Variants in SYNE4 observed in about 807,000 individuals in gnomAD.
SYNE4 encodes spectrin repeat containing nuclear envelope family member 4.
A neutral mutation model predicts 46.9 loss-of-function variants in SYNE4; 41 were observed. That is an observed-to-expected ratio of 0.87 (90% CI 0.68 to 1.13). The LOEUF is 1.13. SYNE4 is among the 50% of genes most tolerant of loss of function. The pLI is 0.00. For missense variants in SYNE4, 492 were observed against 514.8 expected, an observed-to-expected ratio of 0.96 and a Z score of 0.43; for synonymous variants, 221 against 219.5, an observed-to-expected ratio of 1.01 and a Z score of -0.06.
intron 2 of SYNE4, 94 bp downstream of exon 2, chr19:36,008,123 A>T: frequency 6.9e-7 from 1 of 1,448,746 alleles, no homozygotes; most frequent in South Asian, 1.5e-5. Context: ...ACACCTTTCC[A>T]GAATCATCAC....
At chr19:36,006,365 G>A (rs1354887764) in intron 5 of SYNE4, 58 bp downstream of exon 5, 21 of 1,531,174 alleles carry the variant, frequency 1.4e-5, no homozygotes, top group Admixed American at 4.1e-5. Flanking sequence ...GCTAGAAGGT[G>A]CGCAGAGATG....
intron 5 of SYNE4, 51 bp from the exon 6 acceptor site, chr19:36,005,488 G>A (rs1976818671): frequency 6.4e-7 from 1 of 1,550,418 alleles, no homozygotes. Flanking sequence ...GCCAGGATAG[G>A]GATGTCATAG....
chr19:36,003,549 A>G (rs1283558656), intron 7 of SYNE4, 29 bp from the exon 8 acceptor site: 1 of 1,599,504 alleles, frequency 6.3e-7, no homozygotes, highest in Non-Finnish European at 8.5e-7. Context: ...TGTTAAACAT[A>G]CAGGTGGGCT....
chr19:36,008,571 G>A lies in SYNE4; in HGVS notation c.111C>T (p.Ser37=), dbSNP rs746066870. 3.7e-6 allele frequency: 6 copies of A among 1,613,774 alleles called. No individual in the cohort carries two copies. The highest frequency in any genetic ancestry group is 3.3e-5 in the Admixed American group (2 of 60,002). The part of the protein sequence containing the change: ...DIVGCTVCPA[S]GEESTSPEQA... ...GCCCCCACCTCGTGCTCTCCTCTCC[G>A]GACGCGGGGCAGACGGTGCATCCAA... Residue 37 remains serine, a synonymous_variant, in exon 1 of 8, where the codon TCC becomes TCT. Transcript: ENST00000324444.
Position 36,006,746 on chromosome 19 carries a change from C to G in SYNE4, c.618+4G>C. 6.2e-7 allele frequency: 1 copy of G among 1,606,086 alleles called. No individual in the cohort carries two copies. The highest frequency in any genetic ancestry group is 8.5e-7 in the Non-Finnish European group (1 of 1,175,938). On this transcript the variant is annotated splice_donor_region_variant and intron_variant, in intron 4 of 7. Transcript: ENST00000324444. ...TGGGTGGGGGGTATCAAGATGGGCC[C>G]TACCAGGCTGTAGCTGACCAGCTGG...
chr19:36,008,343 T>C lies in SYNE4; in HGVS notation c.153A>G (p.Gly51=). 2 of 1,563,442 alleles carry C rather than the reference T, an allele frequency of 1.3e-6. No individual in the cohort carries two copies. Among genetic ancestry groups the C allele is most frequent in the Non-Finnish European group, 1.7e-6 (2 of 1,152,340 alleles). ...GCTCAGGAGGGCCCAAGGAGTCCTGTCCCAGGGTCTGGGCCTGCTCTGGGC... is the reference window on the plus strand; with the variant it reads ...GCTCAGGAGGGCCCAAGGAGTCCTGCCCCAGGGTCTGGGCCTGCTCTGGGC... ...STSPEQAQTL[G]QDSLGPPEHF... The change falls in exon 2 of 8, where the codon GGA becomes GGG. Residue 51 remains glycine, a synonymous_variant. Coordinates refer to ENST00000324444, the MANE Select transcript of SYNE4 (RefSeq NM_001039876.3).
At chr19:36,003,775 A>G (rs1485896203) in intron 6 of SYNE4, 104 bp from the exon 7 acceptor site, 2 of 1,502,986 alleles carry the variant, frequency 1.3e-6, no homozygotes, top group East Asian at 4.9e-5. Flanking sequence ...GCTGGACTGC[A>G]ATGGCTCAAT....
intron 5 of SYNE4, 125 bp downstream of exon 5, chr19:36,006,298 G>A: frequency 7.8e-7 from 1 of 1,278,138 alleles, no homozygotes; most frequent in East Asian, 2.5e-5. Context: ...GACACCGAGA[G>A]ACAGAGATAG....
chr19:36,005,792 G>C lies in SYNE4; in HGVS notation c.868-355C>G, dbSNP rs1454503213. 4.2e-5 allele frequency: 8 copies of C among 191,092 alleles called. No homozygotes were observed. The East Asian group carries it at 1.0e-3, about 25-fold the overall frequency. The allele number at this position is 191,092 out of a possible 1,614,324, so 11.8% of individuals were successfully genotyped here. ...CCAGCACTTTGGGAGGCCAAGGCAG[G>C]CGGATCACCTGAGGTCAGGCGTTCG... On this transcript the variant is annotated intron_variant, in intron 5 of 7. Transcript: ENST00000324444.
intron 6 of SYNE4, among the ~76,000 whole-genome samples, chr19:36,004,870 T>C (rs568210744): frequency 3.3e-4 from 39 of 117,896 alleles, no homozygotes; most frequent in Middle Eastern, 7.5e-3. Flanking sequence ...TTCTTTCTTT[T>C]TTTTTTTTTT....
At chr19:36,007,093 C>T (rs1407696774) in intron 3 of SYNE4, 32 bp downstream of exon 3, 1 of 1,585,710 alleles carries the variant, frequency 6.3e-7, no homozygotes, top group Non-Finnish European at 8.6e-7. Context: ...TGGGGCCGTG[C>T]CCACCCCCAC....
chr19:36,007,322 C>T (rs1968393374), intron 2 of SYNE4, 54 bp from the exon 3 acceptor site: 1 of 1,508,628 alleles, frequency 6.6e-7, no homozygotes, highest in East Asian at 2.4e-5. Flanking sequence ...GATATCACCC[C>T]TGCTCCCATC....
intron 6 of SYNE4, 68 bp from the exon 7 acceptor site, chr19:36,003,739 G>C (rs2096181825): frequency 1.3e-5 from 21 of 1,558,658 alleles, no homozygotes; most frequent in Non-Finnish European, 1.7e-5. Flanking sequence ...TTTATTTTGA[G>C]ACGGAGTCTC....
Position 36,003,398 on chromosome 19 carries a change from G to A in SYNE4, c.1154C>T (p.Ala385Val). 6.2e-7 allele frequency: 1 copy of A among 1,614,080 alleles called. No homozygotes were observed. The highest frequency in any genetic ancestry group is 8.5e-7 in the Non-Finnish European group (1 of 1,180,000). ...CAGGTAGGGTGTCCTGGGTATTCGG[G>A]CATGAGAGCAGCAGGGGCCTCCTGA... Reference protein sequence around the residue: ...PASGGPCCSHARIPRTPYLVL... With the variant: ...PASGGPCCSHVRIPRTPYLVL... Residue 385 changes from alanine (A) to valine (V), a missense_variant, in exon 8 of 8, where the codon GCC becomes GTC. By Grantham distance (64) the Ala-to-Val change is moderately conservative (BLOSUM62 0). Transcript: ENST00000324444.
intron 7 of SYNE4, 26 bp from the exon 8 acceptor site, chr19:36,003,546 C>CA: frequency 1.9e-6 from 3 of 1,598,858 alleles, no homozygotes; most frequent in Non-Finnish European, 2.6e-6. Flanking sequence ...CAGTGTTAAA[C>CA]ATACAGGTGG....
At position 36,003,636 on chromosome 19, in the gene SYNE4, A is replaced by G. The variant is rs1255197443; in HGVS notation, c.1008T>C (p.Asp336=). 1 of 1,613,456 alleles carries G rather than the reference A, an allele frequency of 6.2e-7. No homozygotes were observed. Among genetic ancestry groups the G allele is most frequent in the Admixed American group, 1.7e-5 (1 of 59,908 alleles). ...ACCCTGGATTCCCCTCCAGCCTCAC[A>G]TCCTGGAGATGAGGAGATGCTTGCC... is the stretch of plus-strand genomic sequence containing the variant. The part of the protein sequence containing the change: ...KKRQASPHLQ[D]VRLEGNPGAP... Residue 336 remains aspartate (D), a synonymous_variant, in exon 7 of 8, where the codon GAT becomes GAC. Transcript: ENST00000324444.
chr19:36,006,277 A>T, intron 5 of SYNE4, 146 bp downstream of exon 5: 10 of 1,097,068 alleles, frequency 9.1e-6, no homozygotes, highest in Non-Finnish European at 1.3e-5. Flanking sequence ...AGAAACAGTG[A>T]GATAGAAGGA....
Position 36,006,809 on chromosome 19 carries a change from G to T in SYNE4, c.559C>A (p.Arg187=). The change falls in exon 4 of 8, where the codon CGA becomes AGA. Residue 187 remains arginine (R), a synonymous_variant. Transcript: ENST00000324444. The part of the protein sequence containing the change: ...EQILRALGAY[R]DSIFRRLWQL... ...CAGAGCCGCCGGAAGATGGAGTCTC[G>T]GTAAGCTCCCAGGGCCCGCAGGATC... The T allele has an allele frequency of 6.2e-7, 1 of 1,609,582 alleles. No individual in the cohort carries two copies. The highest frequency in any genetic ancestry group is 1.1e-5 in the South Asian group (1 of 90,342).
chr19:36,008,066 G>C, intron 2 of SYNE4, 151 bp downstream of exon 2: 1 of 1,042,278 alleles, frequency 9.6e-7, no homozygotes, highest in South Asian at 2.2e-5. Context: ...CAGTTGGTCA[G>C]ATATTGAAAC....
Sources: gnomAD v4.1 joint callset for allele counts (sites outside exome capture counted in the v4.1 genomes callset) on GRCh38, gnomAD v4.1.1 for gene constraint, MANE v1.5 for transcripts, NCBI Gene and HGNC (gene_info 2026-07-23, HGNC 2026-07-21) for gene names.